RHBDL2: variants seen among roughly 807,000 people sequenced by gnomAD.
RHBDL2 encodes rhomboid like 2.
A neutral mutation model predicts 31.7 loss-of-function variants in RHBDL2; 26 were observed. The observed-to-expected ratio is 0.82, with a 90% CI of 0.60 to 1.14. The LOEUF (loss-of-function observed/expected upper bound fraction) is 1.14, where lower values mean the gene tolerates loss of function less well. Among genes scored for constraint, RHBDL2 ranks in the 50% most tolerant of loss-of-function variants. The pLI, the probability that RHBDL2 is intolerant of heterozygous loss-of-function variation, is 0.00. For missense variants in RHBDL2, 336 were observed against 364.4 expected (o/e 0.92, Z 0.63); for synonymous variants, 123 against 127.2 (o/e 0.97, Z 0.22).
chr1:38,925,581 C>G (rs952993202), intron 1 of RHBDL2, among the ~76,000 whole-genome samples: 2 of 151,800 alleles, frequency 1.3e-5, no homozygotes, highest in African/African-American at 4.8e-5. Context: ...CACTGAACAA[C>G]TTTTCCTTGT....
intron 4 of RHBDL2, among the ~76,000 whole-genome samples, chr1:38,903,347 C>T (rs1004735387): frequency 6.6e-6 from 1 of 151,878 alleles, no homozygotes; most frequent in Admixed American, 6.6e-5. Context: ...ACTATGTTGC[C>T]CAGGCTGGTC....
intron 4 of RHBDL2, among the ~76,000 whole-genome samples, chr1:38,903,060 AG>A (rs1318171204): frequency 1.3e-5 from 2 of 152,372 alleles, no homozygotes; most frequent in African/African-American, 2.4e-5. Context: ...GAGTTTAGCA[AG>A]GTTGGAAAAC....
chr1:38,915,741 C>A (rs777349091), intron 2 of RHBDL2, 31 bp from the exon 3 acceptor site: 1 of 1,612,698 alleles, frequency 6.2e-7, no homozygotes, highest in African/African-American at 1.3e-5. Context: ...GAGTATTAAC[C>A]ACACCTTCTC....
intron 1 of RHBDL2, among the ~76,000 whole-genome samples, chr1:38,933,500 T>G (rs1416561190): frequency 2.0e-5 from 3 of 152,226 alleles, no homozygotes; most frequent in African/African-American, 7.2e-5. Flanking sequence ...TCTCAGCAAG[T>G]ATTTGCTGAA....
intron 3 of RHBDL2, among the ~76,000 whole-genome samples, chr1:38,914,422 A>C (rs1439757705): frequency 6.6e-6 from 1 of 151,626 alleles, no homozygotes; most frequent in Non-Finnish European, 1.5e-5. Context: ...TTGTATTTTT[A>C]GTAGAGACGG....
chr1:38,924,028 G>C (rs921293518), intron 1 of RHBDL2, among the ~76,000 whole-genome samples: 1 of 152,048 alleles, frequency 6.6e-6, no homozygotes, highest in Non-Finnish European at 1.5e-5. Flanking sequence ...CTAAGGATTG[G>C]GGAGGGAGAG....
chr1:38,933,796 T>C (rs970382729), intron 1 of RHBDL2, among the ~76,000 whole-genome samples: 3 of 151,510 alleles, frequency 2.0e-5, no homozygotes, highest in Admixed American at 6.6e-5. Context: ...TGGTACAATC[T>C]TGGCTCACTG....
At position 38,926,135 on chromosome 1, in the gene RHBDL2, C is replaced by T. The variant is rs951878875; in HGVS notation, c.-125-6798G>A. 5 of 1,107,970 alleles carry T rather than the reference C, an allele frequency of 4.5e-6. No homozygotes were observed. The African/African-American group carries it at 8.2e-5, about 18-fold the overall frequency. 68.6% of individuals were successfully genotyped at this position (1,107,970 alleles called of 1,614,324 possible). The stretch of plus-strand genomic sequence containing the variant: ...ATATTCACTTTTGCATGTCCCTAGG[C>T]AGCTAGGGCAGCTTGACCAATCAGC... On this transcript the variant is annotated intron_variant, in intron 1 of 7. Transcript: ENST00000372990.
chr1:38,922,213 T>C (rs1643324352), intron 1 of RHBDL2, among the ~76,000 whole-genome samples: 1 of 151,528 alleles, frequency 6.6e-6, no homozygotes, highest in South Asian at 2.1e-4. Context: ...TTCTAGCTAC[T>C]TCAGGCTCTA....
intron 3 of RHBDL2, among the ~76,000 whole-genome samples, chr1:38,912,696 C>T (rs997700202): frequency 1.3e-5 from 2 of 151,820 alleles, no homozygotes; most frequent in Non-Finnish European, 2.9e-5. Flanking sequence ...GCTGGGATTA[C>T]AGGTGTGAGC....
chr1:38,894,707 C>CTTTTTTTT (rs71057159), intron 5 of RHBDL2, among the ~76,000 whole-genome samples: 4 of 114,188 alleles, frequency 3.5e-5, no homozygotes, highest in African/African-American at 3.6e-5. Flanking sequence ...CTTTTTTTTT[C>CTTTTTTTT]TTTTTTTTTT....
intron 1 of RHBDL2, among the ~76,000 whole-genome samples, chr1:38,920,314 C>T (rs947898320): frequency 5.9e-4 from 89 of 151,426 alleles, no homozygotes; most frequent in Middle Eastern, 3.4e-3. Context: ...ATTATGGGCA[C>T]CCGGCACCAC....
intron 4 of RHBDL2, among the ~76,000 whole-genome samples, chr1:38,900,704 T>A (rs1570918010): frequency 6.6e-6 from 1 of 151,928 alleles, no homozygotes; most frequent in African/African-American, 2.4e-5. Flanking sequence ...CCAGCCTGGA[T>A]GACAGAGTGA....
rs201194443 is a variant in RHBDL2, at chr1:38,919,004, G to A, written c.209C>T (p.Pro70Leu). Residue 70 changes from proline (P) to leucine (L), a missense_variant, in exon 2 of 8, where the codon CCG (proline) becomes CTG (leucine). By Grantham distance (98) the Pro-to-Leu change is moderately conservative. Coordinates refer to ENST00000372990, the MANE Select transcript of RHBDL2 (RefSeq NM_017821.5). ...GTYLERANCF[P>L]PPVFIISISL... is the part of the protein sequence containing the mutation. ...GATGGAGATGATGAACACGGGAGGCGGGAAGCAGTTAGCTCTCTCCAAGTA... is the reference window on the plus strand; with the variant it reads ...GATGGAGATGATGAACACGGGAGGCAGGAAGCAGTTAGCTCTCTCCAAGTA... The A allele has an allele frequency of 1.6e-5, 26 of 1,614,020 alleles. No individual in the cohort carries two copies. Among genetic ancestry groups the A allele is most frequent in the Admixed American group, 1.0e-4 (6 of 59,994 alleles).
chr1:38,915,595 C>G lies in RHBDL2; in HGVS notation c.362G>C (p.Trp121Ser). The G allele has an allele frequency of 3.7e-6, 6 of 1,614,182 alleles. No individual in the cohort carries two copies. Among genetic ancestry groups the G allele is most frequent in the Non-Finnish European group, 5.1e-6 (6 of 1,180,036 alleles). Residue 121 changes from tryptophan (W) to serine (S), a missense_variant, in exon 3 of 8, where the codon TGG (tryptophan) becomes TCG (serine). By Grantham distance (177) the Trp-to-Ser change is radical. Coordinates refer to ENST00000372990, the MANE Select transcript of RHBDL2 (RefSeq NM_017821.5). ...TACCAGCATGTATGAGATAAACCTC[C>G]AGGCTTCCTCCCTCTTCTCAGGACT... ...IYSPEKREEA[W>S]RFISYMLVHA...
At chr1:38,915,913 G>T (rs1322712515) in intron 2 of RHBDL2, among the ~76,000 whole-genome samples, 3 of 152,224 alleles carry the variant, frequency 2.0e-5, no homozygotes, top group Non-Finnish European at 4.4e-5. Flanking sequence ...ATGGTTGGGA[G>T]CAGTGCTAGC....
In RHBDL2 at chr1:38,893,241, T is replaced by TAAA. The variant is rs1250797986; in HGVS notation, c.610-18_610-17insTTT. 4 of 1,248,024 alleles carry TAAA rather than the reference T, an allele frequency of 3.2e-6. No homozygotes were observed. The highest frequency in any genetic ancestry group is 4.7e-6 in the Non-Finnish European group (4 of 856,196). The allele number at this position is 1,248,024 out of a possible 1,614,324, so 77.3% of individuals were successfully genotyped here. On this transcript the variant is annotated splice_polypyrimidine_tract_variant and intron_variant, in intron 5 of 7. Coordinates refer to ENST00000372990, the MANE Select transcript of RHBDL2 (RefSeq NM_017821.5). ...TTGAAAATTCTTAAAAAGAGATAAA[T>TAAA]AATAATTATATAAGCTATCTATGGA...
rs537624637 is a variant in RHBDL2 at position 38,913,071 on chromosome 1, C to G, written c.396-1637G>C. ...GATCTCGGCTCACTGCAACCTCCAC[C>G]TCCTGGGTTCAAACGATTCTCCTGC... On this transcript the variant is annotated intron_variant, in intron 3 of 7. Coordinates refer to ENST00000372990, the MANE Select transcript of RHBDL2 (RefSeq NM_017821.5). Among the ~76,000 whole-genome samples the G allele has an allele frequency of 6.1e-3, 926 of 151,326 alleles. 10 individuals are homozygous for G. Among genetic ancestry groups the G allele is most frequent in the Middle Eastern group, 0.02 (6 of 294 alleles).
chr1:38,899,449 C>T (rs534079218), intron 4 of RHBDL2, among the ~76,000 whole-genome samples: 3 of 152,312 alleles, frequency 2.0e-5, no homozygotes, highest in Admixed American at 1.3e-4. Flanking sequence ...TTTCTCAATG[C>T]TGGTGTTTGG....
Sources: allele counts gnomAD v4.1 joint callset (sites outside exome capture counted in the v4.1 genomes callset), GRCh38; gene constraint gnomAD v4.1.1; transcripts MANE v1.5; gene names NCBI Gene and HGNC (gene_info 2026-07-23, HGNC 2026-07-21).